ZFAT: variants seen among roughly 807,000 people sequenced by gnomAD.
ZFAT encodes zinc finger protein ZFAT.
In ZFAT, 64 loss-of-function variants were observed where a neutral mutation model predicts 117.7. The ratio of observed to expected loss-of-function variants is 0.54; its 90% confidence interval spans 0.44 to 0.67. The LOEUF is 0.67. Ranked by LOEUF, ZFAT falls within the 30% of genes least tolerant of loss-of-function variation. The pLI is 0.00. For missense variants in ZFAT, 1,433 were observed against 1,584.5 expected (o/e 0.90, Z 1.62); for synonymous variants, 679 against 615.0 (o/e 1.10, Z -1.54).
intron 1 of ZFAT, among the ~76,000 whole-genome samples, chr8:134,678,661 T>G (rs1832920061): frequency 6.6e-6 from 1 of 151,916 alleles, no homozygotes. Flanking sequence ...AGCTGGAGGC[T>G]TTGAAATCAC....
chr8:134,730,152 A>G, the ZFAT span, among the ~76,000 whole-genome samples: 1 of 152,126 alleles, frequency 6.6e-6, no homozygotes, highest in East Asian at 1.9e-4. Context: ...TCTTGCTACA[A>G]AGGAAGTTCT....
chr8:134,520,011 T>C (rs1820533283), intron 13 of ZFAT, among the ~76,000 whole-genome samples: 1 of 152,156 alleles, frequency 6.6e-6, no homozygotes, highest in African/African-American at 2.4e-5. Flanking sequence ...ATCCCCACAA[T>C]GTCATGATGT....
chr8:134,746,726 C>A, the ZFAT span, among the ~76,000 whole-genome samples: 1 of 152,188 alleles, frequency 6.6e-6, no homozygotes, highest in Admixed American at 6.5e-5. Flanking sequence ...AGTTTTTTAG[C>A]TCTTCAGCCA....
In ZFAT at chr8:134,670,872, G is replaced by T. The variant is rs1442615332; in HGVS notation, c.20-13135C>A. Among the ~76,000 whole-genome samples the T allele has an allele frequency of 6.6e-5, 10 of 152,176 alleles. No individual in the cohort carries two copies. In the East Asian group the frequency reaches 1.5e-3, roughly 24 times the overall value. ...GACTACTAGCCACACTAATAAAGAA[G>T]AAAACAGAGAAGAATCAAATAGACA... is the stretch of plus-strand genomic sequence containing the variant. On this transcript the variant is annotated intron_variant, in intron 1 of 15. Coordinates refer to ENST00000377838, the MANE Select transcript of ZFAT (RefSeq NM_020863.4).
At chr8:134,752,842 C>G in the ZFAT span, among the ~76,000 whole-genome samples, 1 of 152,146 alleles carries the variant, frequency 6.6e-6, no homozygotes, top group African/African-American at 2.4e-5. Context: ...GCCCCGCCCT[C>G]AGGACTTCAT....
At position 134,610,197 on chromosome 8, in the gene ZFAT, G is replaced by T. The variant is rs1828217844; in HGVS notation, c.634+273C>A. Among the ~76,000 whole-genome samples the T allele has an allele frequency of 3.3e-5, 5 of 152,178 alleles. No homozygotes were observed. The South Asian group carries it at 1.0e-3, about 31-fold the overall frequency. On this transcript the variant is annotated intron_variant, in intron 4 of 15. Transcript: ENST00000377838. The stretch of plus-strand genomic sequence containing the variant: ...GGACGAAGAAAACTAACTGCTCCCG[G>T]AACCACTACTCCAGCAGGAGCAGCA...
At chr8:134,568,848 T>A (rs1389910442) in intron 10 of ZFAT, among the ~76,000 whole-genome samples, 1 of 152,176 alleles carries the variant, frequency 6.6e-6, no homozygotes, top group Non-Finnish European at 1.5e-5. Context: ...TCATGACTAA[T>A]CATAAAAGAG....
the ZFAT span, among the ~76,000 whole-genome samples, chr8:134,738,882 A>G: frequency 8.3e-3 from 1,265 of 152,326 alleles, 8 homozygotes; most frequent in Non-Finnish European, 0.013. Context: ...AGTGGGGAGA[A>G]GGTAAGACAA....
chr8:134,621,800 T>C (rs1829132948), intron 3 of ZFAT, among the ~76,000 whole-genome samples: 2 of 152,210 alleles, frequency 1.3e-5, no homozygotes, highest in Admixed American at 6.5e-5. Flanking sequence ...TGAAGAGCCC[T>C]GGAAACAGCA....
chr8:134,486,986 G>A (rs917160368), intron 15 of ZFAT, among the ~76,000 whole-genome samples: 1 of 152,152 alleles, frequency 6.6e-6, no homozygotes, highest in African/African-American at 2.4e-5. Context: ...GTCCATGTGT[G>A]TATATGTACA....
intron 1 of ZFAT, among the ~76,000 whole-genome samples, chr8:134,687,402 C>G (rs1211012795): frequency 6.6e-6 from 1 of 152,228 alleles, no homozygotes; most frequent in African/African-American, 2.4e-5. Context: ...GCATACACAT[C>G]TCTTCCATGT....
At chr8:134,767,834 T>C in the ZFAT span, among the ~76,000 whole-genome samples, 6 of 152,230 alleles carry the variant, frequency 3.9e-5, no homozygotes, top group African/African-American at 1.4e-4. Flanking sequence ...TTGCTTGACA[T>C]TTCTATGGTC....
intron 1 of ZFAT, among the ~76,000 whole-genome samples, chr8:134,662,977 A>G (rs555146280): frequency 9.2e-5 from 14 of 152,372 alleles, no homozygotes; most frequent in African/African-American, 2.2e-4. Flanking sequence ...GTTGCTCTGC[A>G]GCGCAGACAT....
At chr8:134,830,547 G>A in the ZFAT span, among the ~76,000 whole-genome samples, 1 of 152,200 alleles carries the variant, frequency 6.6e-6, no homozygotes, top group Non-Finnish European at 1.5e-5. Context: ...CTTAGGTAAG[G>A]AGCAAGTGAG....
At chr8:134,564,432 T>G (rs529413357) in intron 11 of ZFAT, among the ~76,000 whole-genome samples, 1 of 152,296 alleles carries the variant, frequency 6.6e-6, no homozygotes, top group East Asian at 1.9e-4. Flanking sequence ...CTTCTTTCTT[T>G]GGAATCCCAA....
the ZFAT span, among the ~76,000 whole-genome samples, chr8:134,807,272 AC>A: frequency 1.3e-5 from 2 of 152,226 alleles, no homozygotes; most frequent in African/African-American, 4.8e-5. Flanking sequence ...CAAGTTAGAT[AC>A]CTAAACACAT....
chr8:134,679,921 C>T (rs1451186401), intron 1 of ZFAT, among the ~76,000 whole-genome samples: 1 of 136,426 alleles, frequency 7.3e-6, no homozygotes, highest in Non-Finnish European at 1.5e-5. Context: ...GGGAACATTA[C>T]ACACTGGGGC....
chr8:134,608,718 A>G lies in ZFAT; in HGVS notation c.785+11T>C, dbSNP rs747403466. ...CCTCTGGCTGAAGTTACACAGAACA[A>G]AACACTTTACCTGCTTGACTTCATT... On this transcript the variant is annotated intron_variant, in intron 5 of 15. Coordinates refer to ENST00000377838, the MANE Select transcript of ZFAT (RefSeq NM_020863.4). 6.2e-7 allele frequency: 1 copy of G among 1,608,782 alleles called. No homozygotes were observed. Among genetic ancestry groups the G allele is most frequent in the Non-Finnish European group, 8.5e-7 (1 of 1,177,998 alleles).
At chr8:134,712,510 T>C (rs1814040890) in intron 1 of ZFAT, among the ~76,000 whole-genome samples, 1 of 151,986 alleles carries the variant, frequency 6.6e-6, no homozygotes, top group South Asian at 2.1e-4. Context: ...AGAGCTGGCA[T>C]CGCCGGGATT....
Sources: gnomAD v4.1 joint callset for allele counts (sites outside exome capture counted in the v4.1 genomes callset) on GRCh38, gnomAD v4.1.1 for gene constraint, MANE v1.5 for transcripts, NCBI Gene and HGNC (gene_info 2026-07-23, HGNC 2026-07-21) for gene names.